The following PDE2A variants were observed in gnomAD, a reference collection of about 807,000 sequenced individuals.
PDE2A encodes cGMP-dependent 3',5'-cyclic phosphodiesterase.
In PDE2A, 53 loss-of-function variants were observed where a neutral mutation model predicts 133.6. The observed-to-expected ratio is 0.40, with a 90% CI of 0.32 to 0.50. The LOEUF is 0.50. Ranked by LOEUF, PDE2A falls within the 20% of genes least tolerant of loss-of-function variation. PDE2A has a pLI of 0.73. For missense variants in PDE2A, 796 were observed against 1,232.4 expected (o/e 0.65, Z 5.30); for synonymous variants, 491 against 490.2 (o/e 1.00, Z -0.02).
chr11:72,627,744 TCCGCCTCTCCCCATGC>T (rs1355494206), intron 2 of PDE2A, among the ~76,000 whole-genome samples: 3 of 152,182 alleles, frequency 2.0e-5, no homozygotes, highest in African/African-American at 7.2e-5. Context: ...CTCATCCACG[TCCGCCTCTCCCCATGC>T]CCCCATCCCA....
At chr11:72,668,265 T>C (rs1319042845) in intron 1 of PDE2A, 2 of 718,082 alleles carry the variant, frequency 2.8e-6, no homozygotes, top group Non-Finnish European at 5.2e-6. Context: ...CAGACAGATT[T>C]GTGCCCCAGG....
chr11:72,651,492 TG>T (rs1399758680), intron 1 of PDE2A, among the ~76,000 whole-genome samples: 3 of 152,182 alleles, frequency 2.0e-5, no homozygotes, highest in Admixed American at 6.5e-5. Flanking sequence ...GGCCAGGGTC[TG>T]GGGGGGTGAC....
At chr11:72,613,520 C>T (rs1308007195) in intron 2 of PDE2A, among the ~76,000 whole-genome samples, 2 of 151,960 alleles carry the variant, frequency 1.3e-5, no homozygotes, top group South Asian at 2.1e-4. Flanking sequence ...CCCCGGCCGA[C>T]GTCCACCTCT....
intron 2 of PDE2A, among the ~76,000 whole-genome samples, chr11:72,636,796 C>A (rs1221740801): frequency 6.6e-6 from 1 of 152,162 alleles, no homozygotes; most frequent in African/African-American, 2.4e-5. Context: ...ACCACACCAG[C>A]CTCCCCTTCA....
At position 72,579,528 on chromosome 11, in the gene PDE2A, C is replaced by CCA. The variant is rs1855620804; in HGVS notation, c.2256+5_2256+6insTG. On this transcript the variant is annotated splice_donor_region_variant and intron_variant, in intron 26 of 30. Transcript: ENST00000334456. ...TCAATCCCCACCCCACCCCCAACCC[C>CCA]ATCACCTTCCGGGAGAAATGATCAA... 21 of 1,576,780 alleles carry CCA rather than the reference C, an allele frequency of 1.3e-5. No homozygotes were observed. Among genetic ancestry groups the CCA allele is most frequent in the Non-Finnish European group, 1.8e-5 (21 of 1,149,426 alleles).
rs536945471 is a variant in PDE2A at position 72,642,765 on chromosome 11, G to A, written c.72-439C>T. Among the ~76,000 whole-genome samples, 68 of 152,072 alleles carry A rather than the reference G, an allele frequency of 4.5e-4. 1 individual carries two copies. In the East Asian group the frequency reaches 6.6e-3, roughly 15 times the overall value. On this transcript the variant is annotated intron_variant, in intron 1 of 30. Coordinates refer to ENST00000334456, the MANE Select transcript of PDE2A (RefSeq NM_002599.5). ...CCCTGTTTCCCCGCCACCACTCTGGGGTCCGGGGCCCGGCCAGAGCCCCAG... is the reference window on the plus strand; with the variant it reads ...CCCTGTTTCCCCGCCACCACTCTGGAGTCCGGGGCCCGGCCAGAGCCCCAG...
chr11:72,653,278 G>A (rs1432356222), intron 1 of PDE2A, among the ~76,000 whole-genome samples: 1 of 152,216 alleles, frequency 6.6e-6, no homozygotes, highest in Non-Finnish European at 1.5e-5. Context: ...GAGAGACAGA[G>A]GCCCAGAGAT....
At chr11:72,601,426 G>A (rs1287103223) in intron 4 of PDE2A, among the ~76,000 whole-genome samples, 5 of 139,580 alleles carry the variant, frequency 3.6e-5, no homozygotes, top group Non-Finnish European at 7.8e-5. Context: ...GATGGGAGCA[G>A]ACCGTTCCCG....
intron 1 of PDE2A, among the ~76,000 whole-genome samples, chr11:72,665,768 A>G (rs1452357517): frequency 6.6e-6 from 1 of 152,014 alleles, no homozygotes; most frequent in Non-Finnish European, 1.5e-5. Flanking sequence ...TCCCTAAGGG[A>G]CTGCCCTGCC....
chr11:72,664,106 A>G (rs986571087), intron 1 of PDE2A, among the ~76,000 whole-genome samples: 3 of 152,106 alleles, frequency 2.0e-5, no homozygotes, highest in Non-Finnish European at 4.4e-5. Flanking sequence ...TTTGACAAGC[A>G]GTGGCTGCAG....
rs1257051992 is a variant in PDE2A at position 72,597,744 on chromosome 11, C to T, written c.324-125G>A. On this transcript the variant is annotated intron_variant, in intron 4 of 30. Coordinates refer to ENST00000334456, the MANE Select transcript of PDE2A (RefSeq NM_002599.5). This position sits in a 1 kb window ranked among gnomAD's most constrained non-coding sequence, Gnocchi z 4.6. ...AGGATCTGGGCAAGCTGACCTGCCT[C>T]AGGTTGGACACGATGACAGCACAAG... 4.8e-6 allele frequency: 3 copies of T among 628,602 alleles called. No homozygotes were observed. The highest frequency in any genetic ancestry group is 3.7e-5 in the African/African-American group (2 of 54,528). The allele number at this position is 628,602 out of a possible 1,614,324, so 38.9% of individuals were successfully genotyped here. A position where few individuals can be genotyped will look rare whatever the true frequency, so the allele number is the denominator to read the frequency against.
intron 1 of PDE2A, among the ~76,000 whole-genome samples, chr11:72,671,391 C>T (rs980168101): frequency 3.9e-5 from 6 of 152,154 alleles, no homozygotes; most frequent in Non-Finnish European, 7.4e-5. Context: ...AGCAGAAGCC[C>T]GGGGAGCGCA....
At chr11:72,605,612 T>C (rs1340215832) in intron 3 of PDE2A, among the ~76,000 whole-genome samples, 1 of 152,166 alleles carries the variant, frequency 6.6e-6, no homozygotes, top group Non-Finnish European at 1.5e-5. Flanking sequence ...TAACTGAGCA[T>C]CCACTCTGAG....
At chr11:72,670,584 A>G (rs1513781) in intron 1 of PDE2A, among the ~76,000 whole-genome samples, 131,350 of 152,148 alleles carry the variant, frequency 0.86, 57,119 homozygotes, top group Non-Finnish European at 0.92. Flanking sequence ...CCCTTATTTG[A>G]CCATGCCTGC....
intron 1 of PDE2A, among the ~76,000 whole-genome samples, chr11:72,645,430 G>C (rs756893033): frequency 6.6e-6 from 1 of 152,208 alleles, no homozygotes; most frequent in Non-Finnish European, 1.5e-5. Flanking sequence ...GGCTCCTTGA[G>C]TTGGCACATT....
intron 4 of PDE2A, among the ~76,000 whole-genome samples, chr11:72,601,996 C>G (rs76607158): frequency 0.021 from 3,161 of 152,154 alleles, 127 homozygotes; most frequent in African/African-American, 0.073. Context: ...GTGGAAGAAC[C>G]CTAAGGGAGG....
intron 1 of PDE2A, among the ~76,000 whole-genome samples, chr11:72,664,203 CT>C (rs1211664510): frequency 6.6e-6 from 1 of 152,144 alleles, no homozygotes; most frequent in African/African-American, 2.4e-5. Context: ...GCCAACGCCC[CT>C]GGCCCCTTGG....
At chr11:72,601,045 CT>C (rs1244139383) in intron 4 of PDE2A, among the ~76,000 whole-genome samples, 1 of 149,432 alleles carries the variant, frequency 6.7e-6, no homozygotes, top group African/African-American at 2.5e-5. Context: ...AGAAGCCCCC[CT>C]CCAACACCCA....
At chr11:72,584,067 C>G (rs578071910) in intron 19 of PDE2A, 134 bp downstream of exon 19, 6 of 621,622 alleles carry the variant, frequency 9.7e-6, no homozygotes, top group Non-Finnish European at 1.4e-5. Flanking sequence ...AAGGCTGCAC[C>G]CCAGCGGCGG....
Sources: gnomAD v4.1 joint callset for allele counts (sites outside exome capture counted in the v4.1 genomes callset) on GRCh38, gnomAD v4.1.1 for gene constraint, Gnocchi (gnomAD v3.1) non-coding constraint, MANE v1.5 for transcripts, NCBI Gene and HGNC (gene_info 2026-07-23, HGNC 2026-07-21) for gene names.